The following LAMC3 variants were observed in gnomAD, a reference collection of about 807,000 sequenced individuals.
LAMC3 encodes laminin subunit gamma 3.
LAMC3 carries 128 observed loss-of-function variants against 173.8 expected under a neutral mutation model. The ratio of observed to expected loss-of-function variants is 0.74; its 90% CI spans 0.64 to 0.85. LAMC3 has a LOEUF of 0.85. LAMC3 is among the 40% of genes least tolerant of loss of function. The probability of loss-of-function intolerance (pLI) is 0.00; values close to 1 mark genes in which losing one functional copy is unlikely to be tolerated. For synonymous variants in LAMC3, 897 were observed against 909.1 expected (o/e 0.99, Z 0.24); for missense variants, 2,022 against 2,156.0 (o/e 0.94, Z 1.23).
At position 131,082,086 on chromosome 9, in the gene LAMC3, AC is replaced by A; in HGVS notation, c.3958del (p.Gln1320ArgfsTer11). Reference protein sequence around the residue: ...KLHQEARAALTQASSSVQAAT... With the variant: ...KLHQEARAALXQASSSVQAAT... Reference sequence around the variant, plus strand: ...GCACCAGGAGGCCAGAGCCGCCCTGACCCAGGCTTCCTCATCTGTCCAGGCT... The same window carrying A: ...GCACCAGGAGGCCAGAGCCGCCCTGACCAGGCTTCCTCATCTGTCCAGGCT... On this transcript the variant is annotated frameshift_variant, in exon 24 of 28. Transcript: ENST00000361069. LOFTEE classifies it high-confidence loss of function. The A allele has an allele frequency of 6.2e-7, 1 of 1,613,830 alleles. No individual in the cohort carries two copies. The highest frequency in any genetic ancestry group is 8.5e-7 in the Non-Finnish European group (1 of 1,179,928).
intron 1 of LAMC3, among the ~76,000 whole-genome samples, chr9:131,011,142 T>C (rs145639244): frequency 3.9e-5 from 6 of 152,326 alleles, no homozygotes; most frequent in African/African-American, 1.4e-4. Context: ...GAAATCTCAT[T>C]TGAGTACAGC....
chr9:131,046,616 C>T (rs896463221), intron 8 of LAMC3, among the ~76,000 whole-genome samples: 21 of 149,162 alleles, frequency 1.4e-4, no homozygotes, highest in Admixed American at 4.1e-4. Flanking sequence ...CCGCCCACCT[C>T]GGCTTCCCAA....
chr9:131,078,288 G>A (rs747327180), intron 22 of LAMC3, among the ~76,000 whole-genome samples: 46 of 152,144 alleles, frequency 3.0e-4, no homozygotes, highest in Admixed American at 1.1e-3. Context: ...TCAGGAGATC[G>A]AGACCATCCT....
chr9:131,031,636 G>A (rs76797115), intron 2 of LAMC3, among the ~76,000 whole-genome samples: 6,528 of 152,256 alleles, frequency 0.043, 426 homozygotes, highest in African/African-American at 0.14. Context: ...AAAGCCAGGT[G>A]ACCTGCACAA....
At chr9:131,069,251 G>A (rs1829997731) in intron 16 of LAMC3, among the ~76,000 whole-genome samples, 1 of 152,196 alleles carries the variant, frequency 6.6e-6, no homozygotes, top group Non-Finnish European at 1.5e-5. Context: ...CCAGAGCAGT[G>A]GGTGCAGGGC....
intron 2 of LAMC3, 39 bp from the exon 3 acceptor site, chr9:131,032,002 TACTC>T (rs776766413): frequency 2.6e-5 from 42 of 1,613,406 alleles, no homozygotes; most frequent in African/African-American, 2.1e-4. Flanking sequence ...AAATACTAAA[TACTC>T]AGGAACCTGC....
intron 12 of LAMC3, among the ~76,000 whole-genome samples, chr9:131,060,428 G>A (rs1009329853): frequency 1.3e-5 from 2 of 152,166 alleles, no homozygotes; most frequent in Admixed American, 6.5e-5. Context: ...CAAATCGCTT[G>A]AGGTCAGGAG....
Position 131,009,241 on chromosome 9 carries a change from G to C in LAMC3, c.27G>C (p.Gly9=). ...TGGCGGCGGCTGCGCTTCTGCTGGGGCTGGCGCTGCTGGCACCGCGGGCGG... is the reference window on the plus strand; with the variant it reads ...TGGCGGCGGCTGCGCTTCTGCTGGGCCTGGCGCTGCTGGCACCGCGGGCGG... The part of the protein sequence containing the change: MAAAALLL[G]LALLAPRAAG... Residue 9 remains glycine, a synonymous_variant, in exon 1 of 28, where the codon GGG becomes GGC. Coordinates refer to ENST00000361069, the MANE Select transcript of LAMC3 (RefSeq NM_006059.4). This position sits in a 1 kb window ranked among gnomAD's most constrained non-coding sequence, Gnocchi z 4.3. 1 of 1,273,852 alleles carries C rather than the reference G, an allele frequency of 7.9e-7. No homozygotes were observed. The highest frequency in any genetic ancestry group is 9.9e-7 in the Non-Finnish European group (1 of 1,015,142). The allele number at this position is 1,273,852 out of a possible 1,614,324, so 78.9% of individuals were successfully genotyped here.
intron 20 of LAMC3, among the ~76,000 whole-genome samples, chr9:131,075,159 T>C (rs1287644584): frequency 2.0e-5 from 3 of 152,130 alleles, no homozygotes; most frequent in African/African-American, 2.4e-5. Context: ...TCCTAGCTAC[T>C]TGGAAGGCTG....
intron 2 of LAMC3, among the ~76,000 whole-genome samples, chr9:131,027,645 A>C (rs1002645664): frequency 6.6e-6 from 1 of 151,898 alleles, no homozygotes; most frequent in Non-Finnish European, 1.5e-5. Context: ...TAAAATAATA[A>C]TTATTTTATT....
rs1053306648 is a variant in LAMC3, at chr9:131,029,856, G to A, written c.679-2189G>A. On this transcript the variant is annotated intron_variant, in intron 2 of 27. Transcript: ENST00000361069. This position sits in a 1 kb window ranked among gnomAD's most constrained non-coding sequence, Gnocchi z 4.6. Reference sequence around the variant, plus strand: ...CTTAATGCCATGGCCTGAGTCCTGGGATCCATCTAAAATCAACTCCAGCAC... The same window carrying A: ...CTTAATGCCATGGCCTGAGTCCTGGAATCCATCTAAAATCAACTCCAGCAC... Among the ~76,000 whole-genome samples the A allele has an allele frequency of 6.6e-6, 1 of 152,066 alleles. No homozygotes were observed. The highest frequency in any genetic ancestry group is 2.4e-5 in the African/African-American group (1 of 41,386).
At chr9:131,039,976 AAAAC>A (rs1209210059) in intron 6 of LAMC3, among the ~76,000 whole-genome samples, 3 of 150,754 alleles carry the variant, frequency 2.0e-5, no homozygotes, top group Non-Finnish European at 2.9e-5. Flanking sequence ...CCAAAAAACA[AAAAC>A]AAAACAAAAC....
chr9:131,032,214 G>A lies in LAMC3; in HGVS notation c.809+39G>A, dbSNP rs552102577. ...GGGAGGCAGGGTGGCAGGGCTCCAG[G>A]ACCCAAACCCGAGAGCGGAAGGTGG... On this transcript the variant is annotated intron_variant, in intron 3 of 27. Coordinates refer to ENST00000361069, the MANE Select transcript of LAMC3 (RefSeq NM_006059.4). 22 of 928,180 alleles carry A rather than the reference G, an allele frequency of 2.4e-5. 1 individual carries two copies. In the South Asian group the frequency reaches 2.8e-4, roughly 12 times the overall value. The allele number at this position is 928,180 out of a possible 1,614,324, so 57.5% of individuals were successfully genotyped here.
intron 9 of LAMC3, 90 bp from the exon 10 acceptor site, chr9:131,052,401 G>A: frequency 8.2e-7 from 1 of 1,213,920 alleles, no homozygotes; most frequent in Non-Finnish European, 1.2e-6. Context: ...TATCTTTTTT[G>A]AATGTTTAGT....
chr9:131,021,129 G>T (rs1833616599), intron 1 of LAMC3: 1 of 152,122 alleles, frequency 6.6e-6, no homozygotes, highest in African/African-American at 2.4e-5. Flanking sequence ...TGCTTACAAG[G>T]TTATTCTTGA....
In LAMC3 at chr9:131,071,532, G is replaced by C; in HGVS notation, c.3118G>C (p.Gly1040Arg). 8 of 1,613,816 alleles carry C rather than the reference G, an allele frequency of 5.0e-6. No homozygotes were observed. Among genetic ancestry groups the C allele is most frequent in the Non-Finnish European group, 6.8e-6 (8 of 1,179,864 alleles). Residue 1040 changes from glycine to arginine, a missense_variant, in exon 18 of 28, where the codon GGG (glycine) becomes CGG (arginine). Transcript: ENST00000361069. Reference protein sequence around the residue: ...RLTLTEGWLQGSDCGSPWGPL... With the variant: ...RLTLTEGWLQRSDCGSPWGPL... ...GACTTTGACGGAGGGGTGGCTCCAA[G>C]GGTCCGACTGTGGCAGTCCCTGGGG...
rs895956174 is a variant in LAMC3, at chr9:131,029,098, C to T, written c.678+2509C>T. ...GGCCCCCACCGCAAATCACATCATCCGCATAGACTACCTAGTGTGGCCCAA... is the reference window on the plus strand; with the variant it reads ...GGCCCCCACCGCAAATCACATCATCTGCATAGACTACCTAGTGTGGCCCAA... On this transcript the variant is annotated intron_variant, in intron 2 of 27. Coordinates refer to ENST00000361069, the MANE Select transcript of LAMC3 (RefSeq NM_006059.4). This position sits in a 1 kb window ranked among gnomAD's most constrained non-coding sequence, Gnocchi z 4.6. Among the ~76,000 whole-genome samples, 3 of 152,176 alleles carry T rather than the reference C, an allele frequency of 2.0e-5. No individual in the cohort carries two copies. The highest frequency in any genetic ancestry group is 4.4e-5 in the Non-Finnish European group (3 of 68,036).
At position 131,072,722 on chromosome 9, in the gene LAMC3, C is replaced by A. The variant is rs779959565; in HGVS notation, c.3304C>A (p.Arg1102Ser). The A allele has an allele frequency of 6.2e-7, 1 of 1,612,408 alleles. No homozygotes were observed. ...EQLQRLNKGA[R>S]CAQAGSQKTC... ...GCTGCAGAGGCTGAACAAGGGTGCC[C>A]GCTGTGCCCAGGCCGGATCCCAGAA... The change falls in exon 19 of 28, where the codon CGC becomes AGC. Residue 1102 changes from arginine to serine, a missense_variant. Physicochemically the swap from Arg to Ser is moderately radical, Grantham distance 110. Transcript: ENST00000361069.
intron 7 of LAMC3, among the ~76,000 whole-genome samples, chr9:131,044,718 G>C (rs1834117756): frequency 6.6e-6 from 1 of 152,176 alleles, no homozygotes. Flanking sequence ...TCTTTCCCAA[G>C]CCTATAACTC....
Sources: gnomAD v4.1 joint callset for allele counts (sites outside exome capture counted in the v4.1 genomes callset) on GRCh38, gnomAD v4.1.1 for gene constraint, Gnocchi (gnomAD v3.1) non-coding constraint, MANE v1.5 for transcripts, NCBI Gene and HGNC (gene_info 2026-07-23, HGNC 2026-07-21) for gene names.